RREB1: variants seen among roughly 807,000 people sequenced by gnomAD.
RREB1 encodes the protein ras-responsive element-binding protein 1.
A neutral mutation model predicts 117.8 loss-of-function variants in RREB1; 27 were observed. The ratio of observed to expected loss-of-function variants is 0.23; its 90% confidence interval spans 0.17 to 0.32. RREB1 has a LOEUF of 0.32. Among genes scored for constraint, RREB1 ranks in the 10% least tolerant of loss-of-function variants. RREB1 has a pLI of 1.00. For missense variants in RREB1, 2,577 were observed against 2,378.2 expected (o/e 1.08, Z -1.74); for synonymous variants, 1,298 against 1,026.7 (o/e 1.26, Z -5.05).
chr6:7,115,928 C>T (rs577129666), intron 1 of RREB1, among the ~76,000 whole-genome samples: 53 of 152,272 alleles, frequency 3.5e-4, no homozygotes, highest in African/African-American at 1.3e-3. Flanking sequence ...TTCGATCAGT[C>T]ACCAGGCCCT....
chr6:7,116,203 G>C (rs1761390434), intron 1 of RREB1, among the ~76,000 whole-genome samples: 1 of 152,180 alleles, frequency 6.6e-6, no homozygotes, highest in African/African-American at 2.4e-5. Flanking sequence ...AACTTCGTCT[G>C]CTTCCAAGCT....
At chr6:7,223,888 G>T (rs894393222) in intron 8 of RREB1, among the ~76,000 whole-genome samples, 2 of 151,976 alleles carry the variant, frequency 1.3e-5, no homozygotes, top group Non-Finnish European at 2.9e-5. Flanking sequence ...TTCCCAACCT[G>T]TTTATGTCTG....
At chr6:7,239,670 C>T (rs1768566135) in intron 10 of RREB1, among the ~76,000 whole-genome samples, 1 of 152,224 alleles carries the variant, frequency 6.6e-6, no homozygotes, top group Non-Finnish European at 1.5e-5. Context: ...TCTTCACATG[C>T]ACATCTGTTG....
At chr6:7,143,509 T>C (rs1025675831) in intron 1 of RREB1, among the ~76,000 whole-genome samples, 59 of 152,182 alleles carry the variant, frequency 3.9e-4, no homozygotes, top group African/African-American at 1.4e-3. Context: ...CAGTATTATC[T>C]TAGGTAGAGG....
chr6:7,246,951 C>A lies in RREB1; in HGVS notation c.4501C>A (p.Pro1501Thr). The change falls in exon 12 of 13, where the codon CCC becomes ACC. Residue 1501 changes from proline to threonine, a missense_variant. By Grantham distance (38) the Pro-to-Thr change is conservative (BLOSUM62 -1). Transcript: ENST00000379938. ...QPAPEQEEKP[P>T]ETPAEVVESA... The stretch of plus-strand genomic sequence containing the variant: ...CGCCCCTGAACAGGAGGAGAAGCCC[C>A]CCGAGACCCCGGCAGAGGTGGTGGA... 1.3e-6 allele frequency: 2 copies of A among 1,561,632 alleles called. No individual in the cohort carries two copies. The highest frequency in any genetic ancestry group is 1.7e-6 in the Non-Finnish European group (2 of 1,154,436).
At chr6:7,239,147 T>G (rs1212770693) in intron 10 of RREB1, among the ~76,000 whole-genome samples, 1 of 152,216 alleles carries the variant, frequency 6.6e-6, no homozygotes, top group East Asian at 1.9e-4. Flanking sequence ...CTATCGACAT[T>G]AATCTAACGC....
In RREB1 at chr6:7,221,217, G is replaced by A. The variant is rs553081909; in HGVS notation, c.708-5250G>A. The stretch of plus-strand genomic sequence containing the variant: ...CGCTCTGTCGCCCAGGCCGGACTGC[G>A]GACTGCAGTGGCGCAATCTCGGCTC... On this transcript the variant is annotated intron_variant, in intron 8 of 12. Coordinates refer to ENST00000379938, the MANE Select transcript of RREB1 (RefSeq NM_001003699.4). Among the ~76,000 whole-genome samples, 708 of 151,622 alleles carry A rather than the reference G, an allele frequency of 4.7e-3. 4 individuals carry two copies. Among genetic ancestry groups the A allele is most frequent in the African/African-American group, 0.016 (665 of 41,290 alleles).
chr6:7,190,078 A>G (rs1350575679), intron 6 of RREB1, among the ~76,000 whole-genome samples: 1 of 152,200 alleles, frequency 6.6e-6, no homozygotes, highest in Non-Finnish European at 1.5e-5. Context: ...TTGATATGCT[A>G]GTTATATTTG....
intron 1 of RREB1, among the ~76,000 whole-genome samples, chr6:7,158,138 T>A (rs1009788888): frequency 6.6e-6 from 1 of 152,116 alleles, no homozygotes; most frequent in African/African-American, 2.4e-5. Flanking sequence ...TGCAAAAGAA[T>A]GTAGCCTAAC....
At chr6:7,204,112 C>T (rs1766138849) in intron 6 of RREB1, among the ~76,000 whole-genome samples, 1 of 152,196 alleles carries the variant, frequency 6.6e-6, no homozygotes, top group South Asian at 2.1e-4. Flanking sequence ...TTTCTAAGGG[C>T]TGGCTTTGGA....
intron 1 of RREB1, among the ~76,000 whole-genome samples, chr6:7,115,407 A>G (rs1761352358): frequency 8.3e-6 from 1 of 119,824 alleles, no homozygotes; most frequent in African/African-American, 3.2e-5. Context: ...CATAGAGGGG[A>G]GAAGAAAACA....
chr6:7,180,562 T>G (rs1764735437), intron 2 of RREB1, among the ~76,000 whole-genome samples: 1 of 152,244 alleles, frequency 6.6e-6, no homozygotes, highest in Admixed American at 6.5e-5. Flanking sequence ...ACTTCATACC[T>G]ACTGACTGGA....
At chr6:7,146,562 G>A (rs1460471618) in intron 1 of RREB1, among the ~76,000 whole-genome samples, 1 of 152,106 alleles carries the variant, frequency 6.6e-6, no homozygotes, top group African/African-American at 2.4e-5. Context: ...TGGAGGAACC[G>A]AGCTCTTTAA....
At chr6:7,156,677 C>T (rs1763379054) in intron 1 of RREB1, among the ~76,000 whole-genome samples, 1 of 152,202 alleles carries the variant, frequency 6.6e-6, no homozygotes. Context: ...TTGAGGAGAG[C>T]AGCTATGTGT....
intron 10 of RREB1, among the ~76,000 whole-genome samples, chr6:7,235,213 T>C (rs1489415028): frequency 1.3e-5 from 2 of 152,134 alleles, no homozygotes; most frequent in African/African-American, 4.8e-5. Flanking sequence ...TCCAGTGTCG[T>C]GTTAGAGCAT....
chr6:7,194,858 A>G (rs1159949048), intron 6 of RREB1, among the ~76,000 whole-genome samples: 3 of 152,306 alleles, frequency 2.0e-5, no homozygotes, highest in South Asian at 2.1e-4. Context: ...CCGTAATGAC[A>G]ATCTAAGGAA....
intron 4 of RREB1, among the ~76,000 whole-genome samples, chr6:7,182,527 T>C (rs189861778): frequency 6.6e-6 from 1 of 152,332 alleles, no homozygotes; most frequent in Admixed American, 6.5e-5. Flanking sequence ...CTTCAGATAA[T>C]TCCAGTTAAG....
chr6:7,206,215 T>G (rs1373573159), intron 6 of RREB1, among the ~76,000 whole-genome samples: 1 of 152,222 alleles, frequency 6.6e-6, no homozygotes, highest in African/African-American at 2.4e-5. Flanking sequence ...TGAACAAACA[T>G]ATGAATTCCA....
chr6:7,166,185 C>T (rs1207747287), intron 1 of RREB1, among the ~76,000 whole-genome samples: 1 of 152,188 alleles, frequency 6.6e-6, no homozygotes, highest in Non-Finnish European at 1.5e-5. Context: ...AGCCCCTGGC[C>T]TTGGCCCCCT....
Sources: gnomAD v4.1 joint callset for allele counts (sites outside exome capture counted in the v4.1 genomes callset) on GRCh38, gnomAD v4.1.1 for gene constraint, MANE v1.5 for transcripts, NCBI Gene and HGNC (gene_info 2026-07-23, HGNC 2026-07-21) for gene names.